The following TSKS variants were observed in gnomAD, a reference collection of about 807,000 sequenced individuals.
TSKS encodes testis specific serine kinase substrate.
Under a neutral mutation model 68.0 loss-of-function variants are expected in TSKS, and 27 were observed. That is an observed-to-expected ratio of 0.40 (90% CI 0.29 to 0.55). TSKS has a LOEUF of 0.55. Ranked by LOEUF, TSKS falls within the 20% of genes least tolerant of loss-of-function variation. The pLI is 0.53. For synonymous variants in TSKS, 331 were observed against 340.4 expected (o/e 0.97, Z 0.30); for missense variants, 806 against 776.0 (o/e 1.04, Z -0.46).
intron 2 of TSKS, among the ~76,000 whole-genome samples, chr19:49,758,403 C>T (rs933581567): frequency 6.6e-6 from 1 of 152,204 alleles, no homozygotes; most frequent in Non-Finnish European, 1.5e-5. Context: ...CCTGCAGCCC[C>T]ACAGCGAGCT....
Position 49,740,147 on chromosome 19 carries a change from C to G in TSKS, c.1534G>C (p.Ala512Pro). 1 of 1,614,012 alleles carries G rather than the reference C, an allele frequency of 6.2e-7. No individual in the cohort carries two copies. Among genetic ancestry groups the G allele is most frequent in the Non-Finnish European group, 8.5e-7 (1 of 1,180,008 alleles). Residue 512 changes from alanine (A) to proline (P), a missense_variant, in exon 10 of 11, where the codon GCA becomes CCA. Physicochemically the swap from Ala to Pro is conservative, Grantham distance 27 (BLOSUM62 -1). Transcript: ENST00000246801. ...CGAAGGGTGGAGCTCAGGGCCTCTG[C>G]CCTGACGTGTTTGGCTAAGGCCTGG... ...ERQALAKHVRAEALSSTLRLA... is the reference protein window; with the variant it reads ...ERQALAKHVRPEALSSTLRLA...
intron 5 of TSKS, 74 bp from the exon 6 acceptor site, chr19:49,746,872 G>A (rs2084307204): frequency 6.4e-6 from 10 of 1,551,104 alleles, no homozygotes; most frequent in Non-Finnish European, 8.6e-6. Flanking sequence ...CCCAAAATCC[G>A]CTCCAGTACT....
intron 9 of TSKS, among the ~76,000 whole-genome samples, chr19:49,740,535 A>G (rs1234569630): frequency 3.9e-5 from 6 of 152,148 alleles, no homozygotes; most frequent in Admixed American, 3.3e-4. Context: ...GACCTCCTAC[A>G]TTCCATAATT....
At chr19:49,747,363 T>TC in intron 5 of TSKS, 26 bp downstream of exon 5, 1 of 1,614,068 alleles carries the variant, frequency 6.2e-7, no homozygotes, top group Non-Finnish European at 8.5e-7. Context: ...CTCCCACAAA[T>TC]CCTGGGACTG....
chr19:49,740,659 G>T (rs2084244427), intron 9 of TSKS, among the ~76,000 whole-genome samples: 1 of 151,854 alleles, frequency 6.6e-6, no homozygotes, highest in Non-Finnish European at 1.5e-5. Context: ...CGACACGGGT[G>T]GATCACTTAA....
chr19:49,747,282 G>C (rs1028984399), intron 5 of TSKS, 107 bp downstream of exon 5: 8 of 1,600,274 alleles, frequency 5.0e-6, no homozygotes, highest in African/African-American at 2.7e-5. Context: ...CGAAGGTGCA[G>C]TGTGGTGGTG....
At chr19:49,748,260 C>T (rs2084319601) in intron 3 of TSKS, 92 bp from the exon 4 acceptor site, 2 of 1,571,606 alleles carry the variant, frequency 1.3e-6, no homozygotes, top group Non-Finnish European at 1.7e-6. Context: ...CCTTTTCTTT[C>T]TGAGCCTCAA....
At chr19:49,745,179 C>A in intron 7 of TSKS, 23 bp downstream of exon 7, 1 of 1,555,600 alleles carries the variant, frequency 6.4e-7, no homozygotes, top group Non-Finnish European at 8.7e-7. Flanking sequence ...CCGGTCTTCC[C>A]ATGCACTGGC....
chr19:49,755,909 G>A (rs1386309171), intron 2 of TSKS, among the ~76,000 whole-genome samples: 1 of 152,080 alleles, frequency 6.6e-6, no homozygotes, highest in South Asian at 2.1e-4. Context: ...GCTGAGGCAG[G>A]AGAATCGCTT....
At chr19:49,747,239 C>G (rs1165401340) in intron 5 of TSKS, 150 bp downstream of exon 5, 2 of 1,547,234 alleles carry the variant, frequency 1.3e-6, no homozygotes, top group African/African-American at 2.7e-5. Context: ...TTGAATCCCT[C>G]TTATCAGCGA....
Position 49,763,281 on chromosome 19 carries a change from T to C in TSKS, c.-34A>G. The C allele has an allele frequency of 6.8e-7, 1 of 1,476,740 alleles. No individual in the cohort carries two copies. Among genetic ancestry groups the C allele is most frequent in the Non-Finnish European group, 8.9e-7 (1 of 1,118,662 alleles). The allele number at this position is 1,476,740 out of a possible 1,614,324, so 91.5% of individuals were successfully genotyped here. On this transcript the variant is annotated 5_prime_UTR_variant, in exon 1 of 11. Coordinates refer to ENST00000246801, the MANE Select transcript of TSKS (RefSeq NM_021733.2). This position sits in a 1 kb window ranked among gnomAD's most constrained non-coding sequence, Gnocchi z 4.5. ...GGTCTGGCTCCCAGGGAGGGGCTCC[T>C]TCCTCTGAGACTTCCTACCTACTGT... is the stretch of plus-strand genomic sequence containing the variant.
At chr19:49,747,180 G>A (rs1024384049) in intron 5 of TSKS, 14 of 1,536,398 alleles carry the variant, frequency 9.1e-6, no homozygotes, top group Non-Finnish European at 1.1e-5. Context: ...TCTGGGACCT[G>A]AATGTGACTG....
Position 49,741,978 on chromosome 19 carries a change from C to T in TSKS, c.1404G>A (p.Leu468=), listed in dbSNP as rs773652932. ...QLSTESLQQL[L]DRALTSLVDE... ...CCACTAGTGAGGTCAGTGCTCGGTCCAGCAGCTGCTGCAGGGACTCCGTAG... is the reference window on the plus strand; with the variant it reads ...CCACTAGTGAGGTCAGTGCTCGGTCTAGCAGCTGCTGCAGGGACTCCGTAG... Residue 468 remains leucine, a synonymous_variant, in exon 9 of 11, where the codon CTG becomes CTA. Transcript: ENST00000246801. 1 of 1,614,172 alleles carries T rather than the reference C, an allele frequency of 6.2e-7. No homozygotes were observed. Among genetic ancestry groups the T allele is most frequent in the Admixed American group, 1.7e-5 (1 of 60,010 alleles).
chr19:49,754,267 G>T (rs2084375887), intron 2 of TSKS, among the ~76,000 whole-genome samples: 1 of 151,542 alleles, frequency 6.6e-6, no homozygotes, highest in Non-Finnish European at 1.5e-5. Context: ...GGGAGGCCAA[G>T]GCAGGTGGAT....
At position 49,763,085 on chromosome 19, in the gene TSKS, A is replaced by G. The variant is rs375883239; in HGVS notation, c.163T>C (p.Phe55Leu). 1.2e-6 allele frequency: 2 copies of G among 1,611,820 alleles called. No homozygotes were observed. The highest frequency in any genetic ancestry group is 1.7e-6 in the Non-Finnish European group (2 of 1,178,878). Residue 55 changes from phenylalanine (F) to leucine (L), a missense_variant, in exon 1 of 11, where the codon TTC (phenylalanine) becomes CTC (leucine). Coordinates refer to ENST00000246801, the MANE Select transcript of TSKS (RefSeq NM_021733.2). The surrounding 1 kb of genome is among the most constrained non-coding windows in gnomAD (Gnocchi z 4.5). ...GIPKKKKAVS[F>L]HGVEPQMSHQ... ...AGTGTGCAACAAACCCACCCGTGGAACGACACGGCCTTCTTTTTCTTCGGG... is the reference window on the plus strand; with the variant it reads ...AGTGTGCAACAAACCCACCCGTGGAGCGACACGGCCTTCTTTTTCTTCGGG...
rs2084239790 is a variant in TSKS at position 49,740,127 on chromosome 19, G to A, written c.1554C>T (p.Thr518=). The A allele has an allele frequency of 6.2e-7, 1 of 1,614,146 alleles. No homozygotes were observed. Among genetic ancestry groups the A allele is most frequent in the Non-Finnish European group, 8.5e-7 (1 of 1,180,028 alleles). Reference sequence around the variant, plus strand: ...GGGCCTCGTCTTGGGCCAGCCGAAGGGTGGAGCTCAGGGCCTCTGCCCTGA... The same window carrying A: ...GGGCCTCGTCTTGGGCCAGCCGAAGAGTGGAGCTCAGGGCCTCTGCCCTGA... The part of the protein sequence containing the change: ...KHVRAEALSS[T]LRLAQDEALR... Residue 518 remains threonine, a synonymous_variant, in exon 10 of 11, where the codon ACC becomes ACT. Coordinates refer to ENST00000246801, the MANE Select transcript of TSKS (RefSeq NM_021733.2).
At position 49,745,337 on chromosome 19, in the gene TSKS, G is replaced by C; in HGVS notation, c.1052C>G (p.Ala351Gly). 1 of 1,599,950 alleles carries C rather than the reference G, an allele frequency of 6.3e-7. No individual in the cohort carries two copies. Among genetic ancestry groups the C allele is most frequent in the Non-Finnish European group, 8.5e-7 (1 of 1,177,366 alleles). Residue 351 changes from alanine to glycine, a missense_variant, in exon 7 of 11, where the codon GCC becomes GGC. Transcript: ENST00000246801. ...GCCCAGGCCCCCGAGCAGCCGCAGG[G>C]CTTCCTGCACCGCCCCCTCCTCCTG... ...WHQEEGAVQE[A>G]LRLLGGLGGR... is the part of the protein sequence containing the mutation.
rs371920652 is a variant in TSKS, at chr19:49,754,866, A to G, written c.400-6397T>C. On this transcript the variant is annotated intron_variant, in intron 2 of 10. Transcript: ENST00000246801. Reference sequence around the variant, plus strand: ...TGTAATCCCAGCACTTTGGGAGGCCAAGGCAGGCGGATCACGAGGTCAAGA... The same window carrying G: ...TGTAATCCCAGCACTTTGGGAGGCCGAGGCAGGCGGATCACGAGGTCAAGA... 1.6e-4 allele frequency among the ~76,000 whole-genome samples: 24 copies of G among 152,244 alleles called. No homozygotes were observed. The East Asian group carries it at 2.9e-3, about 18-fold the overall frequency.
intron 9 of TSKS, among the ~76,000 whole-genome samples, chr19:49,740,880 G>C (rs1202292697): frequency 9.0e-6 from 1 of 111,690 alleles, no homozygotes; most frequent in South Asian, 3.0e-4. Context: ...GCGAGACTCT[G>C]TCTCCAAAAA....
Sources: gnomAD v4.1 joint callset for allele counts (sites outside exome capture counted in the v4.1 genomes callset) on GRCh38, gnomAD v4.1.1 for gene constraint, Gnocchi (gnomAD v3.1) non-coding constraint, MANE v1.5 for transcripts, NCBI Gene and HGNC (gene_info 2026-07-23, HGNC 2026-07-21) for gene names.